Variants in FIZ1 observed in about 807,000 individuals in gnomAD.
FIZ1 encodes the protein flt3-interacting zinc finger protein 1.
In FIZ1, 2 loss-of-function variants were observed where a neutral mutation model predicts 5.3. That is an observed-to-expected ratio of 0.37 (90% CI 0.15 to 1.18). The LOEUF (loss-of-function observed/expected upper bound fraction) is 1.18, where lower values mean the gene tolerates loss of function less well. Among genes scored for constraint, FIZ1 ranks in the 50% most tolerant of loss-of-function variants. FIZ1 has a pLI of 0.37. For missense variants in FIZ1, 631 were observed against 749.7 expected (o/e 0.84, Z 1.85); for synonymous variants, 407 against 364.2 (o/e 1.12, Z -1.34).
chr19:55,593,806 G>A lies in FIZ1; in HGVS notation c.295-160C>T, dbSNP rs1329548369. On this transcript the variant is annotated intron_variant, in intron 2 of 2. Transcript: ENST00000221665. The surrounding 1 kb of genome is among the most constrained non-coding windows in gnomAD (Gnocchi z 6.3). ...CCTATCACTCTCTGTTTGGGGTCACGGTAGATTCTTTCGGTCCTTAAAAAG... is the reference window on the plus strand; with the variant it reads ...CCTATCACTCTCTGTTTGGGGTCACAGTAGATTCTTTCGGTCCTTAAAAAG... 3.3e-5 allele frequency among the ~76,000 whole-genome samples: 5 copies of A among 152,144 alleles called. No homozygotes were observed. The East Asian group carries it at 9.6e-4, about 29-fold the overall frequency.
chr19:55,591,448 C>T lies in FIZ1; in HGVS notation c.*1002G>A, dbSNP rs1979994907. 1 of 152,412 alleles carries T rather than the reference C, an allele frequency of 6.6e-6. No homozygotes were observed. Among genetic ancestry groups the T allele is most frequent in the African/African-American group, 2.4e-5 (1 of 41,442 alleles). The allele number at this position is 152,412 out of a possible 1,614,324, so 9.4% of individuals were successfully genotyped here. On this transcript the variant is annotated 3_prime_UTR_variant, in exon 3 of 3. Coordinates refer to ENST00000221665, the MANE Select transcript of FIZ1 (RefSeq NM_032836.3). ...GGGACGAGGGGGCAAGGTCGAGGCT[C>T]ACAGGGGCACCCCCTAGCCAAATGC...
rs1273707302 is a variant in FIZ1, at chr19:55,597,626, G to C, written c.240C>G (p.Arg80=). ...LRSHTGERPY[R]CSACPKGFRD... The stretch of plus-strand genomic sequence containing the variant: ...GGAACCCCTTGGGGCAGGCAGAGCA[G>C]CGGTAGGGCCGCTCCCCGGTGTGCG... Residue 80 remains arginine (R), a synonymous_variant, in exon 2 of 3, where the codon CGC becomes CGG. Transcript: ENST00000221665. The C allele has an allele frequency of 1.2e-6, 2 of 1,613,496 alleles. No individual in the cohort carries two copies. Among genetic ancestry groups the C allele is most frequent in the Non-Finnish European group, 1.7e-6 (2 of 1,179,886 alleles).
At chr19:55,595,461 C>T (rs144012863) in intron 2 of FIZ1, among the ~76,000 whole-genome samples, 9 of 152,300 alleles carry the variant, frequency 5.9e-5, no homozygotes, top group African/African-American at 1.4e-4. Context: ...AAACCCTTCC[C>T]GGAATCTGGC....
intron 2 of FIZ1, among the ~76,000 whole-genome samples, chr19:55,595,373 G>A (rs1241743301): frequency 6.6e-6 from 1 of 152,106 alleles, no homozygotes; most frequent in Non-Finnish European, 1.5e-5. Flanking sequence ...ACAAGATTAT[G>A]CTGGTCCCAG....
At chr19:55,596,476 G>A (rs115118143) in intron 2 of FIZ1, among the ~76,000 whole-genome samples, 3 of 152,032 alleles carry the variant, frequency 2.0e-5, no homozygotes, top group South Asian at 2.1e-4. Context: ...GTCTCCCATC[G>A]CTTCCTGGAA....
Position 55,592,483 on chromosome 19 carries a change from G to C in FIZ1, c.1458C>G (p.Ser486=). Residue 486 remains serine (S), a synonymous_variant, in exon 3 of 3, where the codon TCC becomes TCG. Coordinates refer to ENST00000221665, the MANE Select transcript of FIZ1 (RefSeq NM_032836.3). The surrounding 1 kb of genome is among the most constrained non-coding windows in gnomAD (Gnocchi z 6.9). ...GKGFITLSNL[S]RHLKLHRGMD is the part of the protein sequence containing the mutation. Reference sequence around the variant, plus strand: ...TGCCCCGGTGCAGCTTCAGGTGCCTGGAGAGGTTGCTGAGCGTGATGAAGC... The same window carrying C: ...TGCCCCGGTGCAGCTTCAGGTGCCTCGAGAGGTTGCTGAGCGTGATGAAGC... The C allele has an allele frequency of 1.9e-6, 3 of 1,588,820 alleles. No individual in the cohort carries two copies. Among genetic ancestry groups the C allele is most frequent in the Non-Finnish European group, 2.6e-6 (3 of 1,168,130 alleles).
rs753361413 is a variant in FIZ1 at position 55,593,736 on chromosome 19, GCT to G, written c.295-92_295-91del. The G allele has an allele frequency of 1.5e-5, 18 of 1,197,746 alleles. No homozygotes were observed. The South Asian group carries it at 2.3e-4, about 15-fold the overall frequency. 74.2% of individuals were successfully genotyped at this position (1,197,746 alleles called of 1,614,324 possible). ...GGACTCCCAGAGGGTTGTGGCACAA[GCT>G]CTCTGTCACACCTACAGGGCCATGA... On this transcript the variant is annotated intron_variant, in intron 2 of 2. Coordinates refer to ENST00000221665, the MANE Select transcript of FIZ1 (RefSeq NM_032836.3). This position sits in a 1 kb window ranked among gnomAD's most constrained non-coding sequence, Gnocchi z 6.3.
chr19:55,597,542 G>C, intron 2 of FIZ1, 30 bp downstream of exon 2: 1 of 1,594,306 alleles, frequency 6.3e-7, no homozygotes, highest in Non-Finnish European at 8.5e-7. Flanking sequence ...GACCAGGGAG[G>C]CCAGCCTAGG....
chr19:55,596,033 C>T (rs1980310799), intron 2 of FIZ1, among the ~76,000 whole-genome samples: 1 of 152,166 alleles, frequency 6.6e-6, no homozygotes, highest in South Asian at 2.1e-4. Flanking sequence ...CCCCAGAGAG[C>T]CTAGCACTGT....
Position 55,593,079 on chromosome 19 carries a change from C to G in FIZ1, c.862G>C (p.Ala288Pro). 7.4e-7 allele frequency: 1 copy of G among 1,346,812 alleles called. No homozygotes were observed. The highest frequency in any genetic ancestry group is 9.5e-7 in the Non-Finnish European group (1 of 1,056,906). The allele number at this position is 1,346,812 out of a possible 1,614,324, so 83.4% of individuals were successfully genotyped here. A position where few individuals can be genotyped will look rare whatever the true frequency, so the allele number is the denominator to read the frequency against. The change falls in exon 3 of 3, where the codon GCT becomes CCT. Residue 288 changes from alanine to proline, a missense_variant. Physicochemically the swap from Ala to Pro is conservative, Grantham distance 27. Coordinates refer to ENST00000221665, the MANE Select transcript of FIZ1 (RefSeq NM_032836.3). This position sits in a 1 kb window ranked among gnomAD's most constrained non-coding sequence, Gnocchi z 6.3. The part of the protein sequence containing the change: ...TAAEAGDAPL[A>P]SDRRLLLGPA... ...CCCAGGAGCAGCCTGCGGTCCGAAG[C>G]CAGAGGAGCGTCGCCCGCCTCCGCA...
chr19:55,592,721 G>C lies in FIZ1; in HGVS notation c.1220C>G (p.Ser407Cys). Reference protein sequence around the residue: ...EPASGEPPSGSGRGKKIFGCS... With the variant: ...EPASGEPPSGCGRGKKIFGCS... ...GCCGAAGATCTTCTTGCCGCGGCCG[G>C]AGCCAGACGGGGGTTCCCCGGACGC... The change falls in exon 3 of 3, where the codon TCC becomes TGC. Residue 407 changes from serine (S) to cysteine (C), a missense_variant. By Grantham distance (112) the Ser-to-Cys change is moderately radical. This residue lies in a region of FIZ1 where 463 missense variants were observed against 455.1 expected (regional missense o/e 1.02). Coordinates refer to ENST00000221665, the MANE Select transcript of FIZ1 (RefSeq NM_032836.3). This position sits in a 1 kb window ranked among gnomAD's most constrained non-coding sequence, Gnocchi z 6.9. The C allele has an allele frequency of 6.2e-7, 1 of 1,612,278 alleles. No homozygotes were observed. Among genetic ancestry groups the C allele is most frequent in the East Asian group, 2.2e-5 (1 of 44,830 alleles).
In FIZ1 at chr19:55,592,595, T is replaced by C; in HGVS notation, c.1346A>G (p.Lys449Arg). Residue 449 changes from lysine to arginine, a missense_variant, in exon 3 of 3, where the codon AAG becomes AGG. Lys to Arg is a conservative substitution (Grantham distance 26). This residue lies in a region of FIZ1 where 61 missense variants were observed against 96.9 expected (regional missense o/e 0.63). Coordinates refer to ENST00000221665, the MANE Select transcript of FIZ1 (RefSeq NM_032836.3). The surrounding 1 kb of genome is among the most constrained non-coding windows in gnomAD (Gnocchi z 6.9). ...EKPFPCLECG[K>R]FFRHECYLKR... ...GAGGTAGCACTCGTGGCGGAAGAAC[T>C]TGCCGCACTCCAGGCACGGGAACGG... The C allele has an allele frequency of 6.2e-7, 1 of 1,613,426 alleles. No homozygotes were observed. Among genetic ancestry groups the C allele is most frequent in the Non-Finnish European group, 8.5e-7 (1 of 1,179,772 alleles).
intron 2 of FIZ1, among the ~76,000 whole-genome samples, chr19:55,594,245 C>T (rs941980703): frequency 6.6e-5 from 10 of 151,868 alleles, no homozygotes; most frequent in African/African-American, 2.4e-4. Context: ...AAAAATTACC[C>T]GGGCCTGGTG....
chr19:55,592,613 G>C lies in FIZ1; in HGVS notation c.1328C>G (p.Pro443Arg). 1 of 1,613,562 alleles carries C rather than the reference G, an allele frequency of 6.2e-7. No homozygotes were observed. Among genetic ancestry groups the C allele is most frequent in the Non-Finnish European group, 8.5e-7 (1 of 1,179,882 alleles). ...VLVHTGEKPF[P>R]CLECGKFFRH... ...GAAGAACTTGCCGCACTCCAGGCAC[G>C]GGAACGGCTTCTCGCCAGTGTGCAC... The change falls in exon 3 of 3, where the codon CCG becomes CGG. Residue 443 changes from proline to arginine, a missense_variant. Physicochemically the swap from Pro to Arg is moderately radical, Grantham distance 103. This residue lies in a region of FIZ1 where 61 missense variants were observed against 96.9 expected (regional missense o/e 0.63). Coordinates refer to ENST00000221665, the MANE Select transcript of FIZ1 (RefSeq NM_032836.3). This position sits in a 1 kb window ranked among gnomAD's most constrained non-coding sequence, Gnocchi z 6.9.
At position 55,591,779 on chromosome 19, in the gene FIZ1, C is replaced by T. The variant is rs1168677431; in HGVS notation, c.*671G>A. On this transcript the variant is annotated 3_prime_UTR_variant, in exon 3 of 3. Coordinates refer to ENST00000221665, the MANE Select transcript of FIZ1 (RefSeq NM_032836.3). The stretch of plus-strand genomic sequence containing the variant: ...CTGGGCAAGGGGATTTCAGGCCAGT[C>T]TATTCTAGTGTTTGGGGCGGGGAAG... 2 of 152,428 alleles carry T rather than the reference C, an allele frequency of 1.3e-5. No individual in the cohort carries two copies. The highest frequency in any genetic ancestry group is 2.9e-5 in the Non-Finnish European group (2 of 68,120). 9.4% of individuals were successfully genotyped at this position (152,428 alleles called of 1,614,324 possible).
Position 55,592,520 on chromosome 19 carries a change from A to C in FIZ1, c.1421T>G (p.Ile474Ser), listed in dbSNP as rs746693240. ...HGTERPFPCH[I>S]CGKGFITLSN... ...GAGCGTGATGAAGCCCTTGCCGCAG[A>C]TGTGGCAAGGGAAGGGCCGCTCGGT... The change falls in exon 3 of 3, where the codon ATC becomes AGC. Residue 474 changes from isoleucine (I) to serine (S), a missense_variant. Around this residue, in one of 4 missense-constraint regions of FIZ1, gnomAD observed 61 missense variants for 96.9 expected, o/e 0.63. Coordinates refer to ENST00000221665, the MANE Select transcript of FIZ1 (RefSeq NM_032836.3). This position sits in a 1 kb window ranked among gnomAD's most constrained non-coding sequence, Gnocchi z 6.9. 6.2e-7 allele frequency: 1 copy of C among 1,604,712 alleles called. No homozygotes were observed. The highest frequency in any genetic ancestry group is 8.5e-7 in the Non-Finnish European group (1 of 1,176,040).
rs1325615846 is a variant in FIZ1, at chr19:55,592,359, G to A, written c.*91C>T. ...GCCTGCGTCTGGATTTGGATTTGGA[G>A]GGCCGGGGCCTCACGCGCAGTCCCG... On this transcript the variant is annotated 3_prime_UTR_variant, in exon 3 of 3. Transcript: ENST00000221665. This position sits in a 1 kb window ranked among gnomAD's most constrained non-coding sequence, Gnocchi z 6.9. 9.5e-6 allele frequency: 12 copies of A among 1,263,108 alleles called. No homozygotes were observed. Among genetic ancestry groups the A allele is most frequent in the Admixed American group, 2.9e-5 (1 of 34,280 alleles). 78.2% of individuals were successfully genotyped at this position (1,263,108 alleles called of 1,614,324 possible).
At position 55,597,658 on chromosome 19, in the gene FIZ1, G is replaced by C. The variant is rs1244433045; in HGVS notation, c.208C>G (p.Leu70Val). 1 of 1,613,978 alleles carries C rather than the reference G, an allele frequency of 6.2e-7. No individual in the cohort carries two copies. Among genetic ancestry groups the C allele is most frequent in the Non-Finnish European group, 8.5e-7 (1 of 1,179,916 alleles). The part of the protein sequence containing the change: ...FKHSFNLANH[L>V]RSHTGERPYR... ...GGCCGCTCCCCGGTGTGCGAGCGCA[G>C]GTGGTTGGCTAGGTTGAAGCTGTGC... Residue 70 changes from leucine to valine, a missense_variant, in exon 2 of 3, where the codon CTG becomes GTG. Physicochemically the swap from Leu to Val is conservative, Grantham distance 32. Around this residue, in one of 4 missense-constraint regions of FIZ1, gnomAD observed 68 missense variants for 163.4 expected, o/e 0.42. Coordinates refer to ENST00000221665, the MANE Select transcript of FIZ1 (RefSeq NM_032836.3).
chr19:55,598,132 A>ATAGT, intron 1 of FIZ1: 1 of 551,954 alleles, frequency 1.8e-6, no homozygotes. Flanking sequence ...TCCTCACTCC[A>ATAGT]CGGAGTGTTT....
Sources: gnomAD v4.1 joint callset for allele counts (sites outside exome capture counted in the v4.1 genomes callset) on GRCh38, gnomAD v4.1.1 for gene constraint, gnomAD v4.1.1 regional missense constraint, Gnocchi (gnomAD v3.1) non-coding constraint, MANE v1.5 for transcripts, NCBI Gene and HGNC (gene_info 2026-07-23, HGNC 2026-07-21) for gene names.